CYP2A7: variants seen among roughly 807,000 people sequenced by gnomAD.
CYP2A7 encodes cytochrome P450 2A7.
A neutral mutation model predicts 42.0 loss-of-function variants in CYP2A7; 36 were observed. The observed-to-expected ratio is 0.86, with a 90% confidence interval of 0.66 to 1.13. CYP2A7 has a LOEUF of 1.13. Among genes scored for constraint, CYP2A7 ranks in the 50% most tolerant of loss-of-function variants. The pLI, the probability that CYP2A7 is intolerant of heterozygous loss-of-function variation, is 0.00. For missense variants in CYP2A7, 661 were observed against 634.1 expected (o/e 1.04, Z -0.46); for synonymous variants, 260 against 249.5 (o/e 1.04, Z -0.40).
rs145739973 is a variant in CYP2A7, at chr19:40,878,936, G to C, written c.655C>G (p.Leu219Val). The C allele has an allele frequency of 6.2e-7, 1 of 1,606,614 alleles. No homozygotes were observed. Among genetic ancestry groups the C allele is most frequent in the African/African-American group, 1.3e-5 (1 of 74,766 alleles). ...ATCACCGAAGAGAACATCTCATAGA[G>C]CTGGGGTTGCAGAGAGAGGATGGGA... is the stretch of plus-strand genomic sequence containing the variant. ...FQFTSTSTGQ[L>V]YEMFSSVMKH... The change falls in exon 5 of 9, where the codon CTC (leucine) becomes GTC (valine). Residue 219 changes from leucine (L) to valine (V), a missense_variant and splice_region_variant. Transcript: ENST00000301146.
chr19:40,876,011 C>T, intron 8 of CYP2A7, 137 bp from the exon 9 acceptor site: 1 of 1,410,464 alleles, frequency 7.1e-7, no homozygotes. Flanking sequence ...AGAGGAGGCT[C>T]TGATCCTCCC....
At position 40,875,577 on chromosome 19, in the gene CYP2A7, C is replaced by A. The variant is rs1217870550; in HGVS notation, c.*116G>T. On this transcript the variant is annotated 3_prime_UTR_variant, in exon 9 of 9. Transcript: ENST00000301146. ...TCTTCTCTTCCCTCTAGCCACCACG[C>A]CCCTTCCTTTCCCGCATCTTCCCCC... 1.1e-5 allele frequency: 17 copies of A among 1,534,306 alleles called. No homozygotes were observed. Among genetic ancestry groups the A allele is most frequent in the Non-Finnish European group, 1.5e-5 (17 of 1,127,744 alleles).
intron 6 of CYP2A7, 90 bp from the exon 7 acceptor site, chr19:40,877,467 G>C: frequency 1.3e-6 from 2 of 1,550,310 alleles, no homozygotes; most frequent in Non-Finnish European, 1.8e-6. Context: ...TGGATGATAC[G>C]GCTCCCCCTA....
rs1967633938 is a variant in CYP2A7 at position 40,880,516 on chromosome 19, C to T, written c.456G>A (p.Glu152=). Residue 152 remains glutamate, a synonymous_variant, in exon 3 of 9, where the codon GAG becomes GAA. Coordinates refer to ENST00000301146, the MANE Select transcript of CYP2A7 (RefSeq NM_000764.3). The part of the protein sequence containing the change: ...KRGIEERIQE[E]SGFLIEAIRS... ...GGATGGCCTCGATGAGGAAGCCCGA[C>T]TCCTCCTGGATGCGCTCCTCGATGC... is the stretch of plus-strand genomic sequence containing the variant. 6.2e-7 allele frequency: 1 copy of T among 1,612,098 alleles called. No individual in the cohort carries two copies.
Position 40,880,755 on chromosome 19 carries a change from C to A in CYP2A7, c.344-127G>T, listed in dbSNP as rs1439269019. The A allele has an allele frequency of 7.7e-6, 4 of 521,058 alleles. 1 individual carries two copies. Among genetic ancestry groups the A allele is most frequent in the East Asian group, 9.0e-5 (2 of 22,272 alleles). 32.3% of individuals were successfully genotyped at this position (521,058 alleles called of 1,614,324 possible). On this transcript the variant is annotated intron_variant, in intron 2 of 8. Transcript: ENST00000301146. Reference sequence around the variant, plus strand: ...GGGTGGGAGAGAGATGGATTCAGTGCCAGTGCCCAGGACAGGTGCAAACTC... The same window carrying A: ...GGGTGGGAGAGAGATGGATTCAGTGACAGTGCCCAGGACAGGTGCAAACTC...
At chr19:40,878,376 C>A (rs113090985) in intron 5 of CYP2A7, among the ~76,000 whole-genome samples, 1 of 151,780 alleles carries the variant, frequency 6.6e-6, no homozygotes, top group Admixed American at 6.6e-5. Context: ...GGCTCACTTA[C>A]TTTTTAAACA....
rs531039163 is a variant in CYP2A7 at position 40,875,597 on chromosome 19, TC to T, written c.*95del. The T allele has an allele frequency of 3.6e-5, 57 of 1,584,820 alleles. No individual in the cohort carries two copies. Among genetic ancestry groups the T allele is most frequent in the Non-Finnish European group, 4.6e-5 (53 of 1,161,484 alleles). ...CCACGCCCCTTCCTTTCCCGCATCT[TC>T]CCCCCATTCTTATACCCGCCTCTTC... On this transcript the variant is annotated 3_prime_UTR_variant, in exon 9 of 9. Coordinates refer to ENST00000301146, the MANE Select transcript of CYP2A7 (RefSeq NM_000764.3).
chr19:40,877,765 G>C, intron 6 of CYP2A7, 87 bp downstream of exon 6: 1 of 1,520,052 alleles, frequency 6.6e-7, no homozygotes, highest in Non-Finnish European at 8.8e-7. Context: ...AGGGTCCTGG[G>C]ATCTGGGACA....
rs1568527848 is a variant in CYP2A7 at position 40,880,763 on chromosome 19, C to CTGAG, written c.344-136_344-135insCTCA. The CTGAG allele has an allele frequency of 2.3e-3, 932 of 409,046 alleles. 2 individuals are homozygous for CTGAG. The highest frequency in any genetic ancestry group is 5.2e-3 in the South Asian group (160 of 30,764). The allele number at this position is 409,046 out of a possible 1,614,324, so 25.3% of individuals were successfully genotyped here. On this transcript the variant is annotated intron_variant, in intron 2 of 8. Transcript: ENST00000301146. ...GAGAGATGGATTCAGTGCCAGTGCCCAGGACAGGTGCAAACTCAGTCAGAG... is the reference window on the plus strand; with the variant it reads ...GAGAGATGGATTCAGTGCCAGTGCCCTGAGAGGACAGGTGCAAACTCAGTCAGAG...
rs534988246 is a variant in CYP2A7, at chr19:40,881,703, G to T, written c.229C>A (p.Arg77=). The change falls in exon 2 of 9, where the codon CGG becomes AGG. Residue 77 remains arginine, a synonymous_variant. Coordinates refer to ENST00000301146, the MANE Select transcript of CYP2A7 (RefSeq NM_000764.3). ...PVFTIHLGPR[R]VVVLCGHDAV... ...TCATGTCCACACAGCACCACGACCC[G>T]CCGGGGCCCCAAGTGAATGGTGAAC... is the stretch of plus-strand genomic sequence containing the variant. The T allele has an allele frequency of 6.8e-6, 11 of 1,612,088 alleles. No individual in the cohort carries two copies. In the South Asian group the frequency reaches 8.8e-5, roughly 13 times the overall value.
intron 7 of CYP2A7, chr19:40,876,933 G>A: frequency 1.6e-6 from 1 of 643,746 alleles, no homozygotes; most frequent in Non-Finnish European, 2.6e-6. Context: ...AGGCCTAATG[G>A]AAAGGGGGCT....
chr19:40,878,134 G>A (rs1967578503), intron 5 of CYP2A7, 141 bp from the exon 6 acceptor site: 1 of 915,606 alleles, frequency 1.1e-6, no homozygotes, highest in South Asian at 2.0e-5. Flanking sequence ...CTCGCTCTAG[G>A]TTCCAGCCCT....
intron 7 of CYP2A7, 113 bp from the exon 8 acceptor site, chr19:40,876,781 G>C: frequency 7.2e-7 from 1 of 1,398,126 alleles, no homozygotes; most frequent in Non-Finnish European, 9.8e-7. Context: ...TGGCAGGCAT[G>C]GAGGAGTTGG....
intron 2 of CYP2A7, 150 bp from the exon 3 acceptor site, chr19:40,880,778 C>G (rs1967650702): frequency 8.5e-6 from 1 of 117,384 alleles, no homozygotes; most frequent in East Asian, 1.6e-4. Flanking sequence ...CAGGTGCAAA[C>G]TCAGTCAGAG....
In CYP2A7 at chr19:40,882,001, T is replaced by C. The variant is rs762378889; in HGVS notation, c.180+30A>G. ...CCAGCCAACTAGGCAGCCCCCACCC[T>C]GTGCCACCCATCTTCCTGCCTTGGG... On this transcript the variant is annotated intron_variant, in intron 1 of 8. Coordinates refer to ENST00000301146, the MANE Select transcript of CYP2A7 (RefSeq NM_000764.3). 9.9e-5 allele frequency: 159 copies of C among 1,600,446 alleles called. 1 individual carries two copies. The Admixed American group carries it at 2.3e-3, about 23-fold the overall frequency.
At chr19:40,876,826 G>A (rs1249819663) in intron 7 of CYP2A7, 158 bp from the exon 8 acceptor site, 3 of 1,023,608 alleles carry the variant, frequency 2.9e-6, no homozygotes, top group Non-Finnish European at 4.2e-6. Context: ...GGAATAGAAG[G>A]TTCACATCTC....
chr19:40,878,361 A>G (rs1264608191), intron 5 of CYP2A7, among the ~76,000 whole-genome samples: 2 of 151,690 alleles, frequency 1.3e-5, no homozygotes, highest in South Asian at 2.1e-4. Flanking sequence ...GCGCATGACC[A>G]TGCAGGCTCA....
intron 2 of CYP2A7, among the ~76,000 whole-genome samples, chr19:40,881,252 T>C (rs1436633611): frequency 1.3e-5 from 2 of 150,690 alleles, no homozygotes; most frequent in Admixed American, 1.3e-4. Flanking sequence ...GCACAGAAGC[T>C]GAGAGCAACA....
rs555814541 is a variant in CYP2A7 at position 40,876,617 on chromosome 19, A to C, written c.1213T>G (p.Phe405Val). The C allele has an allele frequency of 1.2e-6, 2 of 1,613,088 alleles. No homozygotes were observed. Among genetic ancestry groups the C allele is most frequent in the East Asian group, 4.5e-5 (2 of 44,866 alleles). Residue 405 changes from phenylalanine (F) to valine (V), a missense_variant, in exon 8 of 9, where the codon TTC (phenylalanine) becomes GTC (valine). This residue lies in a region of CYP2A7 where 614 missense variants were observed against 552.4 expected (regional missense o/e 1.11). Coordinates refer to ENST00000301146, the MANE Select transcript of CYP2A7 (RefSeq NM_000764.3). ...GGATTGAAGTCCTGAGGGTTGGAGA[A>C]GAAGCTGGGGTCTCTCAGCACGGAG... ...LGSVLRDPSF[F>V]SNPQDFNPQH...
Sources: gnomAD v4.1 joint callset for allele counts (sites outside exome capture counted in the v4.1 genomes callset) on GRCh38, gnomAD v4.1.1 for gene constraint, gnomAD v4.1.1 regional missense constraint, MANE v1.5 for transcripts, NCBI Gene and HGNC (gene_info 2026-07-23, HGNC 2026-07-21) for gene names.